Variants in PLEKHA7 observed in about 807,000 individuals in gnomAD.
The protein encoded by PLEKHA7 is pleckstrin homology domain-containing family A member 7.
A neutral mutation model predicts 170.0 loss-of-function variants in PLEKHA7; 104 were observed. That is an observed-to-expected ratio of 0.61 (90% CI 0.52 to 0.72). PLEKHA7 has a LOEUF of 0.72. PLEKHA7 is among the 30% of genes least tolerant of loss of function. The pLI is 0.00. For synonymous variants in PLEKHA7, 648 were observed against 660.8 expected, an observed-to-expected ratio of 0.98 and a Z score of 0.30; for missense variants, 1,615 against 1,671.7, an observed-to-expected ratio of 0.97 and a Z score of 0.59.
At chr11:16,805,633 T>C (rs963777062) in intron 13 of PLEKHA7, among the ~76,000 whole-genome samples, 3 of 151,418 alleles carry the variant, frequency 2.0e-5, no homozygotes, top group Admixed American at 6.6e-5. Context: ...CTACTAAAAA[T>C]ACAAAAATTA....
At chr11:16,930,315 A>C (rs1590648220) in intron 3 of PLEKHA7, among the ~76,000 whole-genome samples, 1 of 151,682 alleles carries the variant, frequency 6.6e-6, no homozygotes. Flanking sequence ...GCATGGTGGC[A>C]CCTGCCTACA....
chr11:16,822,449 G>T (rs996268293), intron 10 of PLEKHA7, among the ~76,000 whole-genome samples: 5 of 149,772 alleles, frequency 3.3e-5, no homozygotes, highest in African/African-American at 1.2e-4. Context: ...TCCTTCAGGG[G>T]TGCCCAGCCT....
Position 16,791,466 on chromosome 11 carries a change from G to C in PLEKHA7, c.2746-267C>G. The C allele has an allele frequency of 1.6e-6, 1 of 609,114 alleles. No individual in the cohort carries two copies. Among genetic ancestry groups the C allele is most frequent in the South Asian group, 1.6e-5 (1 of 60,814 alleles). 37.7% of individuals were successfully genotyped at this position (609,114 alleles called of 1,614,324 possible). On this transcript the variant is annotated intron_variant, in intron 19 of 26. Coordinates refer to ENST00000531066, the MANE Select transcript of PLEKHA7 (RefSeq NM_001329630.2). The surrounding 1 kb of genome is among the most constrained non-coding windows in gnomAD (Gnocchi z 4.5). ...ACTGTGTCCTGAAACCCAGGACTCAGGTCTCCTGGGTCCATGCCCTCGGTG... is the reference window on the plus strand; with the variant it reads ...ACTGTGTCCTGAAACCCAGGACTCACGTCTCCTGGGTCCATGCCCTCGGTG...
At chr11:16,783,096 C>T (rs1849157393) in intron 25 of PLEKHA7, among the ~76,000 whole-genome samples, 200 bp from the exon 26 acceptor site, 1 of 152,218 alleles carries the variant, frequency 6.6e-6, no homozygotes, top group African/African-American at 2.4e-5. Context: ...TTTGGGAAGG[C>T]CACAGACCTT....
intron 26 of PLEKHA7, among the ~76,000 whole-genome samples, chr11:16,782,243 T>C (rs1849085861): frequency 6.6e-6 from 1 of 152,142 alleles, no homozygotes; most frequent in South Asian, 2.1e-4. Context: ...ACTTTCCAAG[T>C]CCTGTACTTT....
chr11:16,831,739 T>A (rs757918961), intron 9 of PLEKHA7, among the ~76,000 whole-genome samples: 1 of 152,232 alleles, frequency 6.6e-6, no homozygotes, highest in African/African-American at 2.4e-5. Flanking sequence ...TAGTTTCAAG[T>A]TCCTCATCTA....
intron 3 of PLEKHA7, among the ~76,000 whole-genome samples, chr11:16,949,458 G>A (rs1021133825): frequency 6.6e-5 from 10 of 152,154 alleles, no homozygotes; most frequent in African/African-American, 2.4e-4. Flanking sequence ...CAGAGATTCT[G>A]GTTCAATAAA....
intron 3 of PLEKHA7, among the ~76,000 whole-genome samples, chr11:16,907,259 G>A (rs1183137832): frequency 1.4e-5 from 2 of 144,038 alleles, no homozygotes; most frequent in Non-Finnish European, 3.0e-5. Context: ...GGAAGGATGT[G>A]GGGGGGTCAG....
At chr11:16,879,376 G>A (rs565085084) in intron 3 of PLEKHA7, among the ~76,000 whole-genome samples, 6 of 152,278 alleles carry the variant, frequency 3.9e-5, no homozygotes, top group African/African-American at 1.4e-4. Flanking sequence ...TTCAGGGAGA[G>A]GCTGTGCAGA....
At chr11:16,852,929 T>C (rs561769222) in intron 6 of PLEKHA7, among the ~76,000 whole-genome samples, 5 of 152,360 alleles carry the variant, frequency 3.3e-5, no homozygotes, top group Non-Finnish European at 5.9e-5. Flanking sequence ...TCATCTGAAA[T>C]GTAAATGTTT....
intron 4 of PLEKHA7, among the ~76,000 whole-genome samples, chr11:16,863,166 T>C (rs1854109528): frequency 6.6e-6 from 1 of 152,034 alleles, no homozygotes; most frequent in Non-Finnish European, 1.5e-5. Flanking sequence ...GCACATGCCA[T>C]AGATGAGTCT....
At chr11:16,831,377 T>G (rs1221177515) in intron 9 of PLEKHA7, among the ~76,000 whole-genome samples, 2 of 152,166 alleles carry the variant, frequency 1.3e-5, no homozygotes, top group Non-Finnish European at 2.9e-5. Context: ...AAAACAGATC[T>G]GCAATGCTCG....
intron 3 of PLEKHA7, among the ~76,000 whole-genome samples, chr11:16,922,050 G>A (rs1204036343): frequency 6.6e-6 from 1 of 152,174 alleles, no homozygotes; most frequent in Non-Finnish European, 1.5e-5. Flanking sequence ...GGTTCTCCAA[G>A]GCCTCTTTGA....
At chr11:16,973,146 G>T (rs537287840) in intron 3 of PLEKHA7, among the ~76,000 whole-genome samples, 126 of 152,308 alleles carry the variant, frequency 8.3e-4, no homozygotes, top group African/African-American at 2.3e-3. Context: ...GCCTGGATGT[G>T]TACTTTTATG....
rs543273884 is a variant in PLEKHA7 at position 16,921,653 on chromosome 11, A to C, written c.222-50471T>G. ...CAATCCCTAACAGCTCAACTTCTTC[A>C]TTAATGAAATGTGGACAATAATTAA... On this transcript the variant is annotated intron_variant, in intron 3 of 26. Coordinates refer to ENST00000531066, the MANE Select transcript of PLEKHA7 (RefSeq NM_001329630.2). Among the ~76,000 whole-genome samples, 104 of 152,212 alleles carry C rather than the reference A, an allele frequency of 6.8e-4. 1 individual carries two copies. The highest frequency in any genetic ancestry group is 3.0e-3 in the Admixed American group (46 of 15,284).
rs148403869 is a variant in PLEKHA7 at position 16,808,611 on chromosome 11, C to T, written c.2007+4502G>A. On this transcript the variant is annotated intron_variant, in intron 13 of 26. Transcript: ENST00000531066. Reference sequence around the variant, plus strand: ...ATTCCAGTAACCCCGAAGCCACTGACGGCACATCCCTCACTGAAGACAAAA... The same window carrying T: ...ATTCCAGTAACCCCGAAGCCACTGATGGCACATCCCTCACTGAAGACAAAA... 3.9e-5 allele frequency among the ~76,000 whole-genome samples: 6 copies of T among 152,294 alleles called. No homozygotes were observed. The East Asian group carries it at 7.7e-4, about 20-fold the overall frequency.
At chr11:16,819,117 T>C (rs1850013627) in intron 10 of PLEKHA7, among the ~76,000 whole-genome samples, 1 of 140,764 alleles carries the variant, frequency 7.1e-6, no homozygotes, top group Non-Finnish European at 1.5e-5. Flanking sequence ...TCTTATTTTC[T>C]TCTGGAGTCT....
At chr11:16,780,480 C>A (rs941875118) in intron 26 of PLEKHA7, among the ~76,000 whole-genome samples, 1 of 152,244 alleles carries the variant, frequency 6.6e-6, no homozygotes, top group Non-Finnish European at 1.5e-5. Context: ...GAGCCCCAGC[C>A]CCTCACTGGG....
At chr11:16,931,987 C>G (rs1024508570) in intron 3 of PLEKHA7, among the ~76,000 whole-genome samples, 9 of 152,180 alleles carry the variant, frequency 5.9e-5, no homozygotes, top group African/African-American at 1.9e-4. Context: ...GACACCTGCA[C>G]AGTCTCATCT....
Sources: allele counts gnomAD v4.1 joint callset (sites outside exome capture counted in the v4.1 genomes callset), GRCh38; gene constraint gnomAD v4.1.1; non-coding constraint Gnocchi (gnomAD v3.1); transcripts MANE v1.5; gene names NCBI Gene and HGNC (gene_info 2026-07-23, HGNC 2026-07-21).